Variants in SLC39A6 observed in about 807,000 individuals in gnomAD.
SLC39A6 encodes solute carrier family 39 member 6, also known as zinc transporter ZIP6.
Under a neutral mutation model 63.5 loss-of-function variants are expected in SLC39A6, and 51 were observed. The ratio of observed to expected loss-of-function variants is 0.80; its 90% CI spans 0.64 to 1.01. The LOEUF (loss-of-function observed/expected upper bound fraction) is 1.01. Among genes scored for constraint, SLC39A6 ranks in the 50% least tolerant of loss-of-function variants. SLC39A6 has a pLI of 0.00. For missense variants in SLC39A6, 805 were observed against 927.8 expected (o/e 0.87, Z 1.72); for synonymous variants, 318 against 324.7 (o/e 0.98, Z 0.22).
chr18:36,122,457 T>G (rs1418295659), intron 4 of SLC39A6, among the ~76,000 whole-genome samples, 187 bp from the exon 5 acceptor site: 2 of 152,214 alleles, frequency 1.3e-5, no homozygotes, highest in Non-Finnish European at 2.9e-5. Flanking sequence ...TAGAACTTAA[T>G]GCATGTCATG....
Position 36,124,589 on chromosome 18 carries a change from T to C in SLC39A6, c.901A>G (p.Arg301Gly), listed in dbSNP as rs1054483169. The change falls in exon 3 of 10, where the codon AGA becomes GGA. Residue 301 changes from arginine to glycine, a missense_variant. Coordinates refer to ENST00000269187, the MANE Select transcript of SLC39A6 (RefSeq NM_012319.4). ...CPAIINQIDA[R>G]SCLIHTSEKK... is the part of the protein sequence containing the mutation. ...TCACTTGTATGAATCAGACAAGATCTAGCATCAATTTGGTTGATGATGGCT... is the reference window on the plus strand; with the variant it reads ...TCACTTGTATGAATCAGACAAGATCCAGCATCAATTTGGTTGATGATGGCT... The C allele has an allele frequency of 8.8e-6, 14 of 1,593,622 alleles. No individual in the cohort carries two copies. The highest frequency in any genetic ancestry group is 1.2e-5 in the Non-Finnish European group (14 of 1,163,796).
rs1469718285 is a variant in SLC39A6 at position 36,109,452 on chromosome 18, G to GT, written c.*140dup. 1.7e-6 allele frequency: 1 copy of GT among 592,722 alleles called. No homozygotes were observed. The highest frequency in any genetic ancestry group is 1.9e-5 in the African/African-American group (1 of 52,892). 36.7% of individuals were successfully genotyped at this position (592,722 alleles called of 1,614,324 possible). A position where few individuals can be genotyped will look rare whatever the true frequency, so the allele number is the denominator to read the frequency against. ...TTAAAACGTACCTTTAACTGACTTT[G>GT]TAACAGACAGCAATATTCAATACAA... On this transcript the variant is annotated 3_prime_UTR_variant, in exon 10 of 10. Coordinates refer to ENST00000269187, the MANE Select transcript of SLC39A6 (RefSeq NM_012319.4).
At chr18:36,120,594 T>G (rs1362872868) in intron 5 of SLC39A6, among the ~76,000 whole-genome samples, 1 of 152,258 alleles carries the variant, frequency 6.6e-6, no homozygotes, top group African/African-American at 2.4e-5. Flanking sequence ...CCAGTTATAC[T>G]TATTACTGTA....
chr18:36,112,679 G>T, intron 7 of SLC39A6, 98 bp from the exon 8 acceptor site: 1 of 889,594 alleles, frequency 1.1e-6, no homozygotes, highest in Non-Finnish European at 1.8e-6. Context: ...TGGTATTTTG[G>T]CTGTGAATGA....
Position 36,109,156 on chromosome 18 carries a change from T to G in SLC39A6, c.*437A>C, listed in dbSNP as rs2089281825. The G allele has an allele frequency of 1.3e-5, 2 of 152,308 alleles. No individual in the cohort carries two copies. 9.4% of individuals were successfully genotyped at this position (152,308 alleles called of 1,614,324 possible). A position where few individuals can be genotyped will look rare whatever the true frequency, so the allele number is the denominator to read the frequency against. Reference sequence around the variant, plus strand: ...CCTCCCCAATTCTCAGATTCTTCTCTTTTCTCCTTTATTTCTTTGCTTAAA... The same window carrying G: ...CCTCCCCAATTCTCAGATTCTTCTCGTTTCTCCTTTATTTCTTTGCTTAAA... On this transcript the variant is annotated 3_prime_UTR_variant, in exon 10 of 10. Transcript: ENST00000269187.
rs1168131868 is a variant in SLC39A6 at position 36,112,594 on chromosome 18, C to T, written c.1844-13G>A. The T allele has an allele frequency of 2.5e-6, 4 of 1,606,420 alleles. No homozygotes were observed. Among genetic ancestry groups the T allele is most frequent in the Non-Finnish European group, 3.4e-6 (4 of 1,174,352 alleles). On this transcript the variant is annotated splice_polypyrimidine_tract_variant and intron_variant, in intron 7 of 9. Transcript: ENST00000269187. ...GTAAAAGCAGCACCTGTGTAAAAAT[C>T]AATCAGAAAAAGTTTGGCTACATTA...
rs2089411900 is a variant in SLC39A6 at position 36,123,608 on chromosome 18, C to T, written c.1027G>A (p.Val343Ile). 7.4e-6 allele frequency: 12 copies of T among 1,613,028 alleles called. No individual in the cohort carries two copies. The highest frequency in any genetic ancestry group is 1.0e-5 in the Non-Finnish European group (12 of 1,179,742). Residue 343 changes from valine to isoleucine, a missense_variant, in exon 4 of 10, where the codon GTT becomes ATT. Val to Ile is a conservative substitution (Grantham distance 29, BLOSUM62 3). Around this residue, in one of 4 missense-constraint regions of SLC39A6, gnomAD observed 639 missense variants for 644.0 expected, o/e 0.99. Transcript: ENST00000269187. ...SIISFLSLLGVILVPLMNRVF... is the reference protein window; with the variant it reads ...SIISFLSLLGIILVPLMNRVF... The stretch of plus-strand genomic sequence containing the variant: ...CGATTCATGAGAGGCACTAAGATAA[C>T]CCCCAGCAGAGACAGGAAACTGATG...
chr18:36,115,833 C>T (rs1395391800), intron 6 of SLC39A6, among the ~76,000 whole-genome samples: 2 of 152,078 alleles, frequency 1.3e-5, no homozygotes, highest in African/African-American at 4.8e-5. Context: ...CAAGATATGC[C>T]AAGCAAACAG....
intron 9 of SLC39A6, among the ~76,000 whole-genome samples, chr18:36,110,436 CAA>C (rs200342744): frequency 1.6e-3 from 127 of 80,948 alleles, no homozygotes; most frequent in Non-Finnish European, 2.4e-3. Context: ...ATCAACAATC[CAA>C]AAAAAAAAAA....
intron 4 of SLC39A6, 48 bp from the exon 5 acceptor site, chr18:36,122,318 C>A (rs777167614): frequency 2.8e-5 from 42 of 1,474,288 alleles, no homozygotes; most frequent in Non-Finnish European, 3.9e-5. Context: ...GTTTCACACA[C>A]CGAGTCAGAA....
chr18:36,115,594 C>T (rs942085405), intron 6 of SLC39A6, among the ~76,000 whole-genome samples: 2 of 152,100 alleles, frequency 1.3e-5, no homozygotes, highest in African/African-American at 4.8e-5. Context: ...TTGAGACCTG[C>T]ACAACAAGAG....
In SLC39A6 at chr18:36,126,324, T is replaced by C. The variant is rs372971378; in HGVS notation, c.684A>G (p.Ser228=). The C allele has an allele frequency of 8.1e-6, 13 of 1,614,166 alleles. No individual in the cohort carries two copies. In the Admixed American group the frequency reaches 1.7e-4, roughly 21 times the overall value. ...CAGCCAGCCGGCTCACCCGGCTCTTTGATGTGACACTGGGTGGAGTGGAGC... is the reference window on the plus strand; with the variant it reads ...CAGCCAGCCGGCTCACCCGGCTCTTCGATGTGACACTGGGTGGAGTGGAGC... ...VSSSTPPSVT[S]KSRVSRLAGR... The change falls in exon 2 of 10, where the codon TCA becomes TCG. Residue 228 remains serine, a synonymous_variant. Coordinates refer to ENST00000269187, the MANE Select transcript of SLC39A6 (RefSeq NM_012319.4).
rs774123078 is a variant in SLC39A6 at position 36,123,642 on chromosome 18, G to A, written c.993C>T (p.Ala331=). 1.6e-5 allele frequency: 25 copies of A among 1,607,246 alleles called. No individual in the cohort carries two copies. The highest frequency in any genetic ancestry group is 6.9e-5 in the Admixed American group (4 of 58,200). The change falls in exon 4 of 10, where the codon GCC becomes GCT. Residue 331 remains alanine (A), a synonymous_variant. Coordinates refer to ENST00000269187, the MANE Select transcript of SLC39A6 (RefSeq NM_012319.4). ...LQIAWVGGFI[A]ISIISFLSLL... ...GAGACAGGAAACTGATGATGGAAAT[G>A]GCTATAAAACCACCAACCCAGGCTG...
chr18:36,111,819 C>T (rs2089303060), intron 8 of SLC39A6, among the ~76,000 whole-genome samples: 1 of 152,190 alleles, frequency 6.6e-6, no homozygotes, highest in Admixed American at 6.5e-5. Context: ...TTAAGGCTTA[C>T]ACTTTGTCAA....
intron 6 of SLC39A6, among the ~76,000 whole-genome samples, chr18:36,115,740 G>C (rs1182870243): frequency 3.3e-5 from 5 of 152,160 alleles, no homozygotes; most frequent in Non-Finnish European, 5.9e-5. Context: ...GAACAATGCG[G>C]GAGAGTGGTG....
At chr18:36,118,722 T>C (rs1049160293) in intron 5 of SLC39A6, among the ~76,000 whole-genome samples, 1 of 152,134 alleles carries the variant, frequency 6.6e-6, no homozygotes, top group Non-Finnish European at 1.5e-5. Context: ...GAGGAAGGAT[T>C]TTAAGTAGTG....
Position 36,123,514 on chromosome 18 carries a change from A to G in SLC39A6, c.1121T>C (p.Phe374Ser). 1.9e-6 allele frequency: 3 copies of G among 1,611,474 alleles called. No individual in the cohort carries two copies. The highest frequency in any genetic ancestry group is 2.5e-6 in the Non-Finnish European group (3 of 1,179,376). ...LAVGTLSGDA[F>S]LHLLPHSHAS... is the part of the protein sequence containing the mutation. ...ACTTACATGTGGAAGAAGGTGTAAA[A>G]AAGCATCACCACTCAAAGTCCCAAC... The change falls in exon 4 of 10, where the codon TTT becomes TCT. Residue 374 changes from phenylalanine to serine, a missense_variant. Coordinates refer to ENST00000269187, the MANE Select transcript of SLC39A6 (RefSeq NM_012319.4).
At chr18:36,116,620 A>T (rs2089347267) in intron 6 of SLC39A6, 54 bp downstream of exon 6, 1 of 1,261,060 alleles carries the variant, frequency 7.9e-7, no homozygotes, top group African/African-American at 1.5e-5. Flanking sequence ...GTTGCCTGCA[A>T]ATCATACAGC....
chr18:36,121,456 C>T (rs1381335673), intron 5 of SLC39A6, among the ~76,000 whole-genome samples: 2 of 152,172 alleles, frequency 1.3e-5, no homozygotes, highest in East Asian at 3.9e-4. Flanking sequence ...CCCACCTGAC[C>T]CACATCATTT....
Sources: gnomAD v4.1 joint callset for allele counts (sites outside exome capture counted in the v4.1 genomes callset) on GRCh38, gnomAD v4.1.1 for gene constraint, gnomAD v4.1.1 regional missense constraint, MANE v1.5 for transcripts, NCBI Gene and HGNC (gene_info 2026-07-23, HGNC 2026-07-21) for gene names.